The following NKAIN2 variants were observed in gnomAD, a reference collection of about 807,000 sequenced individuals.
NKAIN2 encodes the protein sodium/potassium-transporting ATPase subunit beta-1-interacting protein 2.
A neutral mutation model predicts 32.6 loss-of-function variants in NKAIN2; 14 were observed. The observed-to-expected ratio is 0.43, with a 90% confidence interval of 0.28 to 0.67. The LOEUF is 0.67. Among genes scored for constraint, NKAIN2 ranks in the 30% least tolerant of loss-of-function variants. The probability of loss-of-function intolerance (pLI) is 0.17; values close to 1 mark genes in which losing one functional copy is unlikely to be tolerated. For synonymous variants in NKAIN2, 80 were observed against 87.2 expected, an observed-to-expected ratio of 0.92 and a Z score of 0.46; for missense variants, 198 against 258.3, an observed-to-expected ratio of 0.77 and a Z score of 1.60.
chr6:124,649,544 CATT>C (rs937634940), intron 3 of NKAIN2, among the ~76,000 whole-genome samples: 2 of 152,124 alleles, frequency 1.3e-5, no homozygotes, highest in Non-Finnish European at 2.9e-5. Flanking sequence ...GTAAAGAAGA[CATT>C]ATACCAATTC....
At chr6:124,004,951 G>A (rs1780018317) in intron 1 of NKAIN2, among the ~76,000 whole-genome samples, 1 of 151,608 alleles carries the variant, frequency 6.6e-6, no homozygotes. Context: ...CTGGCTGGGT[G>A]CAGTGACACA....
At chr6:124,785,138 TTGTCTC>T (rs1779442583) in intron 4 of NKAIN2, among the ~76,000 whole-genome samples, 1 of 152,136 alleles carries the variant, frequency 6.6e-6, no homozygotes, top group Non-Finnish European at 1.5e-5. Flanking sequence ...CCAGTTTACT[TTGTCTC>T]TGTTTCTTAG....
chr6:124,618,819 T>C (rs963078441), intron 3 of NKAIN2, among the ~76,000 whole-genome samples: 1 of 152,226 alleles, frequency 6.6e-6, no homozygotes, highest in Non-Finnish European at 1.5e-5. Flanking sequence ...GTCAAGAAGG[T>C]ATCTCATTAA....
chr6:124,215,198 A>T (rs1791403361), intron 1 of NKAIN2, among the ~76,000 whole-genome samples: 1 of 152,192 alleles, frequency 6.6e-6, no homozygotes, highest in African/African-American at 2.4e-5. Context: ...TATTTTAAAA[A>T]TCAATAGAAC....
intron 1 of NKAIN2, among the ~76,000 whole-genome samples, chr6:124,024,245 A>G (rs1233979258): frequency 6.6e-6 from 1 of 152,164 alleles, no homozygotes; most frequent in Non-Finnish European, 1.5e-5. Flanking sequence ...ATGAACACAT[A>G]TACCTATCAG....
chr6:124,429,850 C>G (rs1775137803), intron 3 of NKAIN2, among the ~76,000 whole-genome samples: 1 of 152,082 alleles, frequency 6.6e-6, no homozygotes, highest in South Asian at 2.1e-4. Flanking sequence ...GCTGGGGAGT[C>G]TGGCAGGGTG....
Position 124,673,819 on chromosome 6 carries a change from A to T in NKAIN2, c.474+15433A>T, listed in dbSNP as rs1016508952. Among the ~76,000 whole-genome samples, 24 of 151,802 alleles carry T rather than the reference A, an allele frequency of 1.6e-4. 1 individual carries two copies. The highest frequency in any genetic ancestry group is 6.6e-5 in the Admixed American group (1 of 15,222). Reference sequence around the variant, plus strand: ...GATATATGGTTTACCAATATTTTCCACTATTCCCTAGGTTGCCTTTTCAGT... The same window carrying T: ...GATATATGGTTTACCAATATTTTCCTCTATTCCCTAGGTTGCCTTTTCAGT... On this transcript the variant is annotated intron_variant, in intron 4 of 6. Coordinates refer to ENST00000368417, the MANE Select transcript of NKAIN2 (RefSeq NM_001040214.3).
chr6:124,073,827 A>G (rs573851690), intron 1 of NKAIN2, among the ~76,000 whole-genome samples: 1 of 152,228 alleles, frequency 6.6e-6, no homozygotes, highest in African/African-American at 2.4e-5. Flanking sequence ...CGGGCAGGGG[A>G]GGATTCAGAT....
chr6:123,914,106 A>G (rs1775361158), intron 1 of NKAIN2, among the ~76,000 whole-genome samples: 1 of 152,146 alleles, frequency 6.6e-6, no homozygotes, highest in Non-Finnish European at 1.5e-5. Flanking sequence ...GGAGGCTGGA[A>G]GTCCAAGATG....
At chr6:124,031,028 A>T (rs1781377535) in intron 1 of NKAIN2, among the ~76,000 whole-genome samples, 2 of 152,314 alleles carry the variant, frequency 1.3e-5, no homozygotes, top group South Asian at 4.1e-4. Flanking sequence ...GAAAGCAAAA[A>T]TAAATGAAAA....
chr6:124,140,249 C>T (rs564351652), intron 1 of NKAIN2, among the ~76,000 whole-genome samples: 1 of 152,240 alleles, frequency 6.6e-6, no homozygotes, highest in African/African-American at 2.4e-5. Flanking sequence ...CTTATTATGG[C>T]ATTAAGAATT....
chr6:124,064,496 A>C (rs1031157715), intron 1 of NKAIN2, among the ~76,000 whole-genome samples: 8 of 151,056 alleles, frequency 5.3e-5, no homozygotes, highest in Non-Finnish European at 1.2e-4. Flanking sequence ...TTTTTTTTCC[A>C]GAAACATTTT....
chr6:123,838,145 G>A (rs1397989798), intron 1 of NKAIN2, among the ~76,000 whole-genome samples: 2 of 152,084 alleles, frequency 1.3e-5, no homozygotes, highest in Non-Finnish European at 2.9e-5. Flanking sequence ...GTTTGTTTCA[G>A]GAATGCAACA....
chr6:124,055,704 G>A (rs2114843430), intron 1 of NKAIN2, among the ~76,000 whole-genome samples: 1 of 152,078 alleles, frequency 6.6e-6, no homozygotes, highest in Admixed American at 6.6e-5. Context: ...GAAAATTATA[G>A]CACAATGTGG....
intron 4 of NKAIN2, among the ~76,000 whole-genome samples, chr6:124,664,244 C>T (rs1772652324): frequency 6.6e-6 from 1 of 151,126 alleles, no homozygotes; most frequent in Non-Finnish European, 1.5e-5. Flanking sequence ...CATTTCACTC[C>T]AGCCTGGGCG....
chr6:124,663,793 G>T (rs1772619073), intron 4 of NKAIN2, among the ~76,000 whole-genome samples: 1 of 152,074 alleles, frequency 6.6e-6, no homozygotes, highest in South Asian at 2.1e-4. Flanking sequence ...TTGTCAGTTG[G>T]TAGACTATCT....
chr6:124,207,829 A>G (rs1017370427), intron 1 of NKAIN2, among the ~76,000 whole-genome samples: 2 of 151,958 alleles, frequency 1.3e-5, no homozygotes, highest in African/African-American at 4.8e-5. Context: ...TCTAAGCAAC[A>G]TAAAGTACAA....
intron 1 of NKAIN2, among the ~76,000 whole-genome samples, chr6:124,075,100 A>T (rs1783634097): frequency 6.6e-6 from 1 of 152,220 alleles, no homozygotes; most frequent in African/African-American, 2.4e-5. Context: ...AAATTGAGGC[A>T]TGTGTTAACT....
chr6:124,101,302 A>G (rs1784876937), intron 1 of NKAIN2, among the ~76,000 whole-genome samples: 1 of 152,178 alleles, frequency 6.6e-6, no homozygotes, highest in South Asian at 2.1e-4. Flanking sequence ...AAACACCTGA[A>G]GAAAACTGCT....
Sources: gnomAD v4.1 joint callset for allele counts (sites outside exome capture counted in the v4.1 genomes callset) on GRCh38, gnomAD v4.1.1 for gene constraint, MANE v1.5 for transcripts, NCBI Gene and HGNC (gene_info 2026-07-23, HGNC 2026-07-21) for gene names.